Variants in PIK3C2B observed in about 807,000 individuals in gnomAD.
PIK3C2B encodes the protein phosphatidylinositol-4-phosphate 3-kinase catalytic subunit type 2 beta.
Under a neutral mutation model 184.3 loss-of-function variants are expected in PIK3C2B, and 83 were observed. The ratio of observed to expected loss-of-function variants is 0.45; its 90% confidence interval spans 0.38 to 0.54. The LOEUF (loss-of-function observed/expected upper bound fraction) is 0.54, where lower values mean the gene tolerates loss of function less well. Among genes scored for constraint, PIK3C2B ranks in the 20% least tolerant of loss-of-function variants. PIK3C2B has a pLI of 0.00. For missense variants in PIK3C2B, 1,736 were observed against 2,113.5 expected (o/e 0.82, Z 3.50); for synonymous variants, 779 against 837.6 (o/e 0.93, Z 1.21).
intron 1 of PIK3C2B, among the ~76,000 whole-genome samples, chr1:204,476,907 G>C (rs1175294655): frequency 6.6e-6 from 1 of 152,292 alleles, no homozygotes; most frequent in African/African-American, 2.4e-5. Context: ...TCGTCCAGAA[G>C]GTCTGTTACA....
chr1:204,482,109 C>CG (rs55875447), intron 1 of PIK3C2B, among the ~76,000 whole-genome samples: 2 of 132,562 alleles, frequency 1.5e-5, no homozygotes, highest in African/African-American at 7.4e-5. Flanking sequence ...CATGAAAAGA[C>CG]GGGGGGGGGG....
intron 22 of PIK3C2B, among the ~76,000 whole-genome samples, 170 bp downstream of exon 22, chr1:204,440,022 A>G (rs1341723993): frequency 1.0e-4 from 2 of 19,110 alleles, no homozygotes; most frequent in African/African-American, 1.1e-4. Context: ...GTTTTACTTT[A>G]TAACAGTCTT....
chr1:204,481,883 G>A (rs1039114224), intron 1 of PIK3C2B, among the ~76,000 whole-genome samples: 4 of 152,182 alleles, frequency 2.6e-5, no homozygotes, highest in East Asian at 1.9e-4. Flanking sequence ...AAGGGACACC[G>A]GTTTTCAAGC....
rs1412963538 is a variant in PIK3C2B, at chr1:204,443,456, C to T, written c.3009G>A (p.Leu1003=). The T allele has an allele frequency of 6.2e-7, 1 of 1,614,224 alleles. No homozygotes were observed. Among genetic ancestry groups the T allele is most frequent in the Non-Finnish European group, 8.5e-7 (1 of 1,180,052 alleles). ...QCWLVNALAK[L]AQQVREAAPS... ...GGGCTGCCTCCCGGACCTGCTGGGC[C>T]AGTTTGGCCAGGGCATTGACAAGCC... The change falls in exon 19 of 33, where the codon CTG becomes CTA. Residue 1003 remains leucine (L), a synonymous_variant. Coordinates refer to ENST00000684373, the MANE Select transcript of PIK3C2B (RefSeq NM_001377334.1).
Position 204,431,653 on chromosome 1 carries a change from T to C in PIK3C2B, c.4280+16A>G. On this transcript the variant is annotated intron_variant, in intron 28 of 32. Coordinates refer to ENST00000684373, the MANE Select transcript of PIK3C2B (RefSeq NM_001377334.1). ...CCCCGACATCCCTCTGTGCAGATAG[T>C]AAAGGGGGCAGCTACCTGGGCAAGT... 1 of 1,613,662 alleles carries C rather than the reference T, an allele frequency of 6.2e-7. No individual in the cohort carries two copies. The highest frequency in any genetic ancestry group is 8.5e-7 in the Non-Finnish European group (1 of 1,179,948).
At chr1:204,448,620 A>G (rs1330860138) in intron 14 of PIK3C2B, among the ~76,000 whole-genome samples, 1 of 121,692 alleles carries the variant, frequency 8.2e-6, no homozygotes, top group African/African-American at 2.9e-5. Context: ...CCTGGGTGAC[A>G]GAGATCCTGT....
At chr1:204,477,588 C>T (rs920858210) in intron 1 of PIK3C2B, among the ~76,000 whole-genome samples, 1 of 152,206 alleles carries the variant, frequency 6.6e-6, no homozygotes, top group South Asian at 2.1e-4. Context: ...GCACTCCCTC[C>T]AGTGGAGCTG....
intron 27 of PIK3C2B, among the ~76,000 whole-genome samples, 177 bp downstream of exon 27, chr1:204,432,023 C>T (rs557760359): frequency 2.0e-5 from 3 of 152,276 alleles, no homozygotes; most frequent in African/African-American, 7.2e-5. Flanking sequence ...AATTCAGCTA[C>T]CCAATTCTAG....
At chr1:204,444,037 C>G in intron 18 of PIK3C2B, 31 bp downstream of exon 18, 1 of 1,432,008 alleles carries the variant, frequency 7.0e-7, no homozygotes, top group Non-Finnish European at 9.9e-7. Context: ...AGACACGTGT[C>G]TACCTCCCAC....
At position 204,433,541 on chromosome 1, in the gene PIK3C2B, G is replaced by A; in HGVS notation, c.3844-116C>T. On this transcript the variant is annotated intron_variant, in intron 25 of 32. Coordinates refer to ENST00000684373, the MANE Select transcript of PIK3C2B (RefSeq NM_001377334.1). This position sits in a 1 kb window ranked among gnomAD's most constrained non-coding sequence, Gnocchi z 5.0. ...AGGCTCCCTAACCCTTCTAGAGGGT[G>A]GTAGACAGATGCTGTGGGCAGTGGC... The A allele has an allele frequency of 1.3e-6, 1 of 748,422 alleles. No individual in the cohort carries two copies. 46.4% of individuals were successfully genotyped at this position (748,422 alleles called of 1,614,324 possible). A position where few individuals can be genotyped will look rare whatever the true frequency, so the allele number is the denominator to read the frequency against.
intron 1 of PIK3C2B, among the ~76,000 whole-genome samples, chr1:204,493,398 C>T (rs1048448611): frequency 6.6e-6 from 1 of 152,068 alleles, no homozygotes; most frequent in Non-Finnish European, 1.5e-5. Flanking sequence ...AGAGAGCTGC[C>T]AGAGACAATA....
At position 204,479,683 on chromosome 1, in the gene PIK3C2B, G is replaced by A. The variant is rs539710442; in HGVS notation, c.-84-9797C>T. On this transcript the variant is annotated intron_variant, in intron 1 of 32. Coordinates refer to ENST00000684373, the MANE Select transcript of PIK3C2B (RefSeq NM_001377334.1). ...CTACCATCCTCCTCAGCTTTGCCTC[G>A]ATACAGCATTTGCTTCCTATAAACT... is the stretch of plus-strand genomic sequence containing the variant. Among the ~76,000 whole-genome samples, 14 of 152,284 alleles carry A rather than the reference G, an allele frequency of 9.2e-5. No homozygotes were observed. In the South Asian group the frequency reaches 2.3e-3, roughly 25 times the overall value.
chr1:204,467,932 T>C (rs947651011), intron 2 of PIK3C2B, among the ~76,000 whole-genome samples: 2 of 150,522 alleles, frequency 1.3e-5, no homozygotes, highest in South Asian at 2.1e-4. Flanking sequence ...GAAACACAAA[T>C]AGGCCTTCTG....
intron 1 of PIK3C2B, among the ~76,000 whole-genome samples, chr1:204,471,759 T>C (rs2103518847): frequency 6.6e-6 from 1 of 152,366 alleles, no homozygotes; most frequent in Middle Eastern, 3.4e-3. Flanking sequence ...TTACACACTT[T>C]CAATCTGTAT....
chr1:204,448,220 T>C (rs1248813986), intron 14 of PIK3C2B, among the ~76,000 whole-genome samples: 1 of 152,074 alleles, frequency 6.6e-6, no homozygotes, highest in Non-Finnish European at 1.5e-5. Context: ...TTCAAGTGGT[T>C]CTCATGCCTC....
intron 9 of PIK3C2B, among the ~76,000 whole-genome samples, chr1:204,457,430 C>T (rs1303486665): frequency 2.0e-5 from 3 of 152,174 alleles, no homozygotes; most frequent in Non-Finnish European, 4.4e-5. Context: ...GTTTTTGCAC[C>T]CTGATGGATA....
rs911567489 is a variant in PIK3C2B, at chr1:204,453,566, G to C, written c.2066+1103C>G. On this transcript the variant is annotated intron_variant, in intron 12 of 32. Coordinates refer to ENST00000684373, the MANE Select transcript of PIK3C2B (RefSeq NM_001377334.1). ...AGTATTCGAGACAGAGCTAGAAATA[G>C]AGGCTCACTCCTGGGAATCCAAGCT... Among the ~76,000 whole-genome samples the C allele has an allele frequency of 1.3e-4, 20 of 152,206 alleles. No homozygotes were observed. The East Asian group carries it at 3.9e-3, about 29-fold the overall frequency.
rs918225778 is a variant in PIK3C2B at position 204,468,906 on chromosome 1, C to T, written c.897G>A (p.Ala299=). The T allele has an allele frequency of 8.1e-6, 13 of 1,600,412 alleles. No homozygotes were observed. Among genetic ancestry groups the T allele is most frequent in the African/African-American group, 1.3e-5 (1 of 74,410 alleles). The change falls in exon 2 of 33, where the codon GCG becomes GCA. Residue 299 remains alanine, a synonymous_variant. Transcript: ENST00000684373. Reference sequence around the variant, plus strand: ...AAATCCGGCGGTTCTTGCCAGGCGTCGCATTCTTTCGGTTGCCATAGCGGG... The same window carrying T: ...AAATCCGGCGGTTCTTGCCAGGCGTTGCATTCTTTCGGTTGCCATAGCGGG... The part of the protein sequence containing the change: ...YASRYGNRKN[A]TPGKNRRISA...
chr1:204,469,836 T>G lies in PIK3C2B; in HGVS notation c.-34A>C. On this transcript the variant is annotated 5_prime_UTR_variant, in exon 2 of 33. An upstream open reading frame in the 5' UTR loses its in-frame stop. Coordinates refer to ENST00000684373, the MANE Select transcript of PIK3C2B (RefSeq NM_001377334.1). ...TGGGGGACACAGGCAACAAAGTCTC[T>G]ACTTCCTGCCAACGTCAGTTCTGGA... The G allele has an allele frequency of 6.1e-6, 9 of 1,469,044 alleles. No individual in the cohort carries two copies. Among genetic ancestry groups the G allele is most frequent in the Non-Finnish European group, 8.6e-6 (9 of 1,048,994 alleles). The allele number at this position is 1,469,044 out of a possible 1,614,324, so 91.0% of individuals were successfully genotyped here. A position where few individuals can be genotyped will look rare whatever the true frequency, so the allele number is the denominator to read the frequency against.
Sources: gnomAD v4.1 joint callset for allele counts (sites outside exome capture counted in the v4.1 genomes callset) on GRCh38, gnomAD v4.1.1 for gene constraint, Gnocchi (gnomAD v3.1) non-coding constraint, MANE v1.5 for transcripts, NCBI Gene and HGNC (gene_info 2026-07-23, HGNC 2026-07-21) for gene names.